The following CHL1 variants were observed in gnomAD, a reference collection of about 807,000 sequenced individuals.
The protein encoded by CHL1 is neural cell adhesion molecule L1-like protein.
In CHL1, 96 loss-of-function variants were observed where a neutral mutation model predicts 141.9. That is an observed-to-expected ratio of 0.68 (90% confidence interval 0.57 to 0.80). The LOEUF is 0.80. Ranked by LOEUF, CHL1 falls within the 30% of genes least tolerant of loss-of-function variation. The pLI is 0.00. For missense variants in CHL1, 1,820 were observed against 1,457.2 expected, an observed-to-expected ratio of 1.25 and a Z score of -4.05; for synonymous variants, 613 against 502.2, an observed-to-expected ratio of 1.22 and a Z score of -2.95.
chr3:379,225 C>T (rs1706725688), intron 16 of CHL1, among the ~76,000 whole-genome samples: 1 of 152,022 alleles, frequency 6.6e-6, no homozygotes, highest in Non-Finnish European at 1.5e-5. Flanking sequence ...TGGATCCCTT[C>T]AAGTAAAGCA....
chr3:391,600 A>G (rs1043392154), intron 22 of CHL1, 75 bp from the exon 23 acceptor site: 5 of 998,378 alleles, frequency 5.0e-6, no homozygotes, highest in East Asian at 2.6e-5. Context: ...AATTTCTATA[A>G]AATTTATAAT....
intron 1 of CHL1, among the ~76,000 whole-genome samples, chr3:237,706 G>A (rs908224306): frequency 5.9e-5 from 9 of 152,136 alleles, no homozygotes; most frequent in African/African-American, 1.9e-4. Flanking sequence ...ATTAAAGTTA[G>A]TGGTACCCAC....
chr3:197,867 TCTCGC>T (rs1698509349), intron 1 of CHL1: 2 of 391,988 alleles, frequency 5.1e-6, no homozygotes, highest in African/African-American at 5.2e-5. Context: ...TCTCTCTTTC[TCTCGC>T]TTTTTTTTTT....
chr3:382,276 T>C lies in CHL1; in HGVS notation c.1974T>C (p.Ile658=), dbSNP rs1193590779. The change falls in exon 17 of 28, where the codon ATT becomes ATC. Residue 658 remains isoleucine (I), a synonymous_variant. Coordinates refer to ENST00000256509, the MANE Select transcript of CHL1 (RefSeq NM_006614.4). The part of the protein sequence containing the change: ...WEAGADHNSN[I]SEYIVEFEGN... ...CTGGAGCTGACCACAACAGCAATAT[T>C]AGCGGTAGGAAGACTTGGGATAACT... 2.5e-6 allele frequency: 4 copies of C among 1,612,724 alleles called. No individual in the cohort carries two copies. Among genetic ancestry groups the C allele is most frequent in the African/African-American group, 1.3e-5 (1 of 74,866 alleles).
At chr3:294,625 C>T (rs752644630) in intron 2 of CHL1, among the ~76,000 whole-genome samples, 7 of 147,752 alleles carry the variant, frequency 4.7e-5, no homozygotes, top group Admixed American at 1.4e-4. Flanking sequence ...ATTCACTAAA[C>T]CCTTCTAAAA....
chr3:399,102 A>G lies in CHL1; in HGVS notation c.3339A>G (p.Leu1113=). The change falls in exon 26 of 28, where the codon TTA becomes TTG. Residue 1113 remains leucine, a synonymous_variant. Coordinates refer to ENST00000256509, the MANE Select transcript of CHL1 (RefSeq NM_006614.4). Reference sequence around the variant, plus strand: ...CGATTGCTCTTCTCACACTACTATTATTAACTGTTTGCTTTGTGAAGAGGA... The same window carrying G: ...CGATTGCTCTTCTCACACTACTATTGTTAACTGTTTGCTTTGTGAAGAGGA... ...MCAIALLTLL[L]LTVCFVKRNR... 6.2e-7 allele frequency: 1 copy of G among 1,608,626 alleles called. No homozygotes were observed. The highest frequency in any genetic ancestry group is 8.5e-7 in the Non-Finnish European group (1 of 1,175,020).
Position 295,890 on chromosome 3 carries a change from G to C in CHL1, c.-94-23793G>C, listed in dbSNP as rs1698144242. 1.3e-5 allele frequency among the ~76,000 whole-genome samples: 2 copies of C among 152,150 alleles called. 1 individual carries two copies. Among genetic ancestry groups the C allele is most frequent in the South Asian group, 4.1e-4 (2 of 4,834 alleles). On this transcript the variant is annotated intron_variant, in intron 2 of 27. Coordinates refer to ENST00000256509, the MANE Select transcript of CHL1 (RefSeq NM_006614.4). ...TTTAAGCGACGATTGAGTGTACACA[G>C]ATCTAAACAATCATGTGCAAAGTCT... is the stretch of plus-strand genomic sequence containing the variant.
At position 390,684 on chromosome 3, in the gene CHL1, T is replaced by C. The variant is rs778885056; in HGVS notation, c.2471-17T>C. On this transcript the variant is annotated splice_polypyrimidine_tract_variant and intron_variant, in intron 20 of 27. Transcript: ENST00000256509. Reference sequence around the variant, plus strand: ...TTGCAGGTTATTGAAAACTAATCAATCTTCTATGATTAACAGATCCTGATA... The same window carrying C: ...TTGCAGGTTATTGAAAACTAATCAACCTTCTATGATTAACAGATCCTGATA... The C allele has an allele frequency of 7.3e-7, 1 of 1,372,756 alleles. No homozygotes were observed. The highest frequency in any genetic ancestry group is 2.3e-5 in the East Asian group (1 of 43,738). The allele number at this position is 1,372,756 out of a possible 1,614,324, so 85.0% of individuals were successfully genotyped here.
At chr3:277,054 A>G (rs1156821224) in intron 2 of CHL1, among the ~76,000 whole-genome samples, 1 of 152,142 alleles carries the variant, frequency 6.6e-6, no homozygotes, top group Non-Finnish European at 1.5e-5. Context: ...CCTGCCTCAT[A>G]GGATTATTAT....
intron 18 of CHL1, 165 bp downstream of exon 18, chr3:382,836 C>A: frequency 1.6e-6 from 1 of 638,192 alleles, no homozygotes; most frequent in Non-Finnish European, 2.7e-6. Context: ...ACACAAGTTT[C>A]AGAAGTGTTA....
At chr3:295,193 G>A (rs542503731) in intron 2 of CHL1, among the ~76,000 whole-genome samples, 3 of 152,250 alleles carry the variant, frequency 2.0e-5, no homozygotes, top group African/African-American at 7.2e-5. Flanking sequence ...TTTAGGGAAG[G>A]AGCTGATTTC....
intron 2 of CHL1, among the ~76,000 whole-genome samples, chr3:267,139 C>G (rs2125226643): frequency 6.6e-6 from 1 of 152,292 alleles, no homozygotes; most frequent in South Asian, 2.1e-4. Flanking sequence ...ACTTTGTGCT[C>G]TTTCACAGTA....
chr3:344,835 G>T, intron 9 of CHL1, 126 bp downstream of exon 9: 1 of 950,586 alleles, frequency 1.1e-6, no homozygotes, highest in Admixed American at 2.8e-5. Context: ...ATTAAATTCT[G>T]CCGGGCACTG....
At chr3:234,620 C>T (rs1691764231) in intron 1 of CHL1, among the ~76,000 whole-genome samples, 2 of 152,036 alleles carry the variant, frequency 1.3e-5, no homozygotes, top group African/African-American at 2.4e-5. Context: ...GCTGGTGAGG[C>T]ACGGATCTTG....
At chr3:236,467 T>C (rs930192752) in intron 1 of CHL1, among the ~76,000 whole-genome samples, 1 of 152,148 alleles carries the variant, frequency 6.6e-6, no homozygotes, top group Non-Finnish European at 1.5e-5. Flanking sequence ...TCTTGGACAG[T>C]AGCAATGAAA....
intron 2 of CHL1, among the ~76,000 whole-genome samples, chr3:286,610 CAAA>C (rs537257607): frequency 7.1e-5 from 8 of 112,086 alleles, no homozygotes; most frequent in African/African-American, 1.8e-4. Context: ...GACTTTGTCT[CAAA>C]AAAAAAAAAA....
intron 15 of CHL1, among the ~76,000 whole-genome samples, chr3:367,476 A>G (rs1246429892): frequency 1.3e-5 from 2 of 152,142 alleles, no homozygotes; most frequent in Non-Finnish European, 2.9e-5. Context: ...AAATCCCATA[A>G]CATAGTTTGA....
intron 15 of CHL1, chr3:373,972 G>A (rs1400402903): frequency 7.2e-5 from 11 of 152,228 alleles, no homozygotes; most frequent in Admixed American, 5.9e-4. Flanking sequence ...GCCAGGGAAG[G>A]ATTCACACAC....
chr3:390,008 T>A (rs1461564782), intron 20 of CHL1, among the ~76,000 whole-genome samples: 1 of 152,222 alleles, frequency 6.6e-6, no homozygotes, highest in Non-Finnish European at 1.5e-5. Context: ...GCATTCTGTA[T>A]TGCTAATACT....
Sources: allele counts gnomAD v4.1 joint callset (sites outside exome capture counted in the v4.1 genomes callset), GRCh38; gene constraint gnomAD v4.1.1; transcripts MANE v1.5; gene names NCBI Gene and HGNC (gene_info 2026-07-23, HGNC 2026-07-21).